The following SNX25 variants were observed in gnomAD, a reference collection of about 807,000 sequenced individuals.
SNX25 encodes the protein sorting nexin-25.
A neutral mutation model predicts 113.7 loss-of-function variants in SNX25; 62 were observed. The ratio of observed to expected loss-of-function variants is 0.55; its 90% CI spans 0.44 to 0.67. SNX25 has a LOEUF of 0.67. Ranked by LOEUF, SNX25 falls within the 30% of genes least tolerant of loss-of-function variation. SNX25 has a pLI of 0.00. For missense variants in SNX25, 1,014 were observed against 1,161.0 expected, an observed-to-expected ratio of 0.87 and a Z score of 1.84; for synonymous variants, 421 against 436.2, an observed-to-expected ratio of 0.97 and a Z score of 0.43.
chr4:185,292,356 G>T (rs1404202185), intron 6 of SNX25, among the ~76,000 whole-genome samples: 1 of 152,094 alleles, frequency 6.6e-6, no homozygotes. Context: ...ACTTTGCGGG[G>T]ACCAAGGAGG....
intron 1 of SNX25, among the ~76,000 whole-genome samples, chr4:185,223,022 A>G (rs927807881): frequency 6.6e-6 from 1 of 152,236 alleles, no homozygotes; most frequent in Non-Finnish European, 1.5e-5. Flanking sequence ...TTTTTATTAT[A>G]CAATAAAGAA....
Position 185,346,550 on chromosome 4 carries a change from TA to T in SNX25, c.2208del (p.Val737SerfsTer14). ...TTCCCCCCACAGTGCGTCCCTTCTT[TA>T]AAAAAAGTCCAGTTGCCTTCTCTTA... ...HRKLSECVPS[L>X]KKVQLPSLSK... On this transcript the variant is annotated frameshift_variant, in exon 13 of 19. Transcript: ENST00000652585. LOFTEE classifies it high-confidence loss of function. The T allele has an allele frequency of 1.3e-6, 2 of 1,593,280 alleles. No homozygotes were observed. The highest frequency in any genetic ancestry group is 1.9e-5 in the Admixed American group (1 of 53,886).
chr4:185,333,624 G>C (rs1318893861), intron 10 of SNX25, among the ~76,000 whole-genome samples: 1 of 152,156 alleles, frequency 6.6e-6, no homozygotes, highest in Non-Finnish European at 1.5e-5. Flanking sequence ...TAAACAGTGA[G>C]TTTTCTTTAA....
the SNX25 span, chr4:185,377,985 CAA>C: frequency 2.0e-6 from 2 of 1,023,328 alleles, no homozygotes; most frequent in East Asian, 4.9e-5. Flanking sequence ...TCCTTGAAAT[CAA>C]TAAAACACAT....
At chr4:185,211,236 AGT>A in intron 1 of SNX25, among the ~76,000 whole-genome samples, 1 of 152,272 alleles carries the variant, frequency 6.6e-6, no homozygotes, top group Non-Finnish European at 1.5e-5. Context: ...AACTACTCTG[AGT>A]GTGTTAGTTC....
the SNX25 span, chr4:185,375,491 T>TATATATATAC: frequency 1.1e-4 from 3 of 28,198 alleles, 1 homozygote; most frequent in Non-Finnish European, 1.6e-4. Context: ...AAAAAAAATA[T>TATATATATAC]ATATATATAT....
At chr4:185,223,907 C>T (rs3112905) in intron 1 of SNX25, among the ~76,000 whole-genome samples, 98,908 of 151,582 alleles carry the variant, frequency 0.65, 32,343 homozygotes, top group East Asian at 0.75. Context: ...AGTATTGTCT[C>T]TTGTCCCTCC....
At chr4:185,263,414 C>T (rs1257221525) in intron 3 of SNX25, among the ~76,000 whole-genome samples, 2 of 152,158 alleles carry the variant, frequency 1.3e-5, no homozygotes, top group Non-Finnish European at 2.9e-5. Context: ...TTTAAAAAGT[C>T]AGCGTATCAG....
chr4:185,210,162 C>T lies in SNX25; in HGVS notation c.336C>T (p.Ala112=). 1.0e-6 allele frequency: 1 copy of T among 984,342 alleles called. No individual in the cohort carries two copies. Among genetic ancestry groups the T allele is most frequent in the Non-Finnish European group, 1.2e-6 (1 of 829,736 alleles). 61.0% of individuals were successfully genotyped at this position (984,342 alleles called of 1,614,324 possible). The change falls in exon 1 of 19, where the codon GCC becomes GCT. Residue 112 remains alanine (A), a synonymous_variant. Coordinates refer to ENST00000652585, the MANE Select transcript of SNX25 (RefSeq NM_001378034.2). This position sits in a 1 kb window ranked among gnomAD's most constrained non-coding sequence, Gnocchi z 4.4. ...CCTTCCTGCTGGGGATCCTGTTTGC[C>T]CTCGTCTGCCGGAGCCCGCGCGCCC... ...AAAFLLGILF[A]LVCRSPRAQP... is the part of the protein sequence containing the mutation.
rs143929504 is a variant in SNX25 at position 185,212,463 on chromosome 4, A to ATTTGTGTGTG, written c.429+2209_429+2210insTTGTGTGTGT. On this transcript the variant is annotated intron_variant, in intron 1 of 18. Transcript: ENST00000652585. The stretch of plus-strand genomic sequence containing the variant: ...TGCTGTATTTCCAATAATTTGTGTG[A>ATTTGTGTGTG]TGTGTGTGTGTGTGTGTGTGTGTGT... Among the ~76,000 whole-genome samples the ATTTGTGTGTG allele has an allele frequency of 7.5e-5, 9 of 119,406 alleles. 2 individuals are homozygous for ATTTGTGTGTG. Among genetic ancestry groups the ATTTGTGTGTG allele is most frequent in the East Asian group, 4.5e-4 (2 of 4,400 alleles). 78.3% of individuals were successfully genotyped at this position (119,406 alleles called of 152,430 possible). A position where few individuals can be genotyped will look rare whatever the true frequency, so the allele number is the denominator to read the frequency against.
At chr4:185,220,801 C>T (rs1378508443) in intron 1 of SNX25, among the ~76,000 whole-genome samples, 1 of 152,016 alleles carries the variant, frequency 6.6e-6, no homozygotes, top group South Asian at 2.1e-4. Flanking sequence ...TTCTTGACAT[C>T]TTCTCCTTAT....
intron 13 of SNX25, 72 bp downstream of exon 13, chr4:185,346,722 G>C: frequency 1.0e-6 from 1 of 965,674 alleles, no homozygotes; most frequent in South Asian, 1.7e-5. Flanking sequence ...ATCATTCTAC[G>C]AGCTTGGTAG....
chr4:185,307,465 G>T (rs1754617207), intron 6 of SNX25, among the ~76,000 whole-genome samples: 1 of 152,162 alleles, frequency 6.6e-6, no homozygotes, highest in African/African-American at 2.4e-5. Flanking sequence ...ATTCCTGGCA[G>T]TCCTGCTGAG....
At chr4:185,249,718 G>A (rs1745374833) in intron 2 of SNX25, among the ~76,000 whole-genome samples, 1 of 151,742 alleles carries the variant, frequency 6.6e-6, no homozygotes, top group Non-Finnish European at 1.5e-5. Flanking sequence ...CTGTAGTTAA[G>A]TGCATCCAGT....
intron 5 of SNX25, among the ~76,000 whole-genome samples, chr4:185,275,755 T>A (rs1749586132): frequency 6.6e-6 from 1 of 152,170 alleles, no homozygotes; most frequent in Non-Finnish European, 1.5e-5. Flanking sequence ...CCATACAAAC[T>A]AATACATCAT....
intron 7 of SNX25, among the ~76,000 whole-genome samples, chr4:185,318,608 A>G (rs2095094006): frequency 6.6e-6 from 1 of 152,256 alleles, no homozygotes; most frequent in Admixed American, 6.5e-5. Flanking sequence ...AGATCCCTCC[A>G]ATAGATAAAA....
intron 1 of SNX25, among the ~76,000 whole-genome samples, chr4:185,245,759 A>G (rs1025226520): frequency 2.0e-5 from 3 of 152,194 alleles, no homozygotes; most frequent in African/African-American, 7.2e-5. Flanking sequence ...TGTGCTTGCA[A>G]ACATTTTCCC....
intron 1 of SNX25, among the ~76,000 whole-genome samples, chr4:185,212,236 G>A (rs1014497974): frequency 5.3e-5 from 8 of 151,642 alleles, no homozygotes; most frequent in Non-Finnish European, 7.4e-5. Context: ...CCTCAGCCTC[G>A]GAAAGTGTTA....
chr4:185,212,463 A>ATTTGTGTG lies in SNX25; in HGVS notation c.429+2209_429+2210insTTGTGTGT, dbSNP rs143929504. Among the ~76,000 whole-genome samples the ATTTGTGTG allele has an allele frequency of 4.8e-4, 57 of 119,408 alleles. 2 individuals carry two copies. Among genetic ancestry groups the ATTTGTGTG allele is most frequent in the Middle Eastern group, 4.3e-3 (1 of 230 alleles). 78.3% of individuals were successfully genotyped at this position (119,408 alleles called of 152,430 possible). The stretch of plus-strand genomic sequence containing the variant: ...TGCTGTATTTCCAATAATTTGTGTG[A>ATTTGTGTG]TGTGTGTGTGTGTGTGTGTGTGTGT... On this transcript the variant is annotated intron_variant, in intron 1 of 18. Transcript: ENST00000652585.
Sources: allele counts gnomAD v4.1 joint callset (sites outside exome capture counted in the v4.1 genomes callset), GRCh38; gene constraint gnomAD v4.1.1; non-coding constraint Gnocchi (gnomAD v3.1); transcripts MANE v1.5; gene names NCBI Gene and HGNC (gene_info 2026-07-23, HGNC 2026-07-21).